The following AGAP1 variants were observed in gnomAD, a reference collection of about 807,000 sequenced individuals.
AGAP1 encodes the protein arf-GAP with GTPase, ANK repeat and PH domain-containing protein 1.
In AGAP1, 29 loss-of-function variants were observed where a neutral mutation model predicts 105.3. That is an observed-to-expected ratio of 0.28 (90% CI 0.21 to 0.38). The LOEUF (loss-of-function observed/expected upper bound fraction) is 0.38, where lower values mean the gene tolerates loss of function less well. Among genes scored for constraint, AGAP1 ranks in the 10% least tolerant of loss-of-function variants. The pLI, the probability that AGAP1 is intolerant of heterozygous loss-of-function variation, is 1.00. For missense variants in AGAP1, 998 were observed against 1,165.1 expected, an observed-to-expected ratio of 0.86 and a Z score of 2.09; for synonymous variants, 509 against 485.9, an observed-to-expected ratio of 1.05 and a Z score of -0.63.
chr2:235,943,381 T>TTTTTTTTG (rs56308804), intron 12 of AGAP1, among the ~76,000 whole-genome samples: 4 of 150,684 alleles, frequency 2.7e-5, no homozygotes, highest in Non-Finnish European at 5.9e-5. Context: ...TTTTTTTTTT[T>TTTTTTTTG]GACACAGAGT....
chr2:235,668,358 C>T (rs1948199039), intron 1 of AGAP1, among the ~76,000 whole-genome samples: 1 of 152,144 alleles, frequency 6.6e-6, no homozygotes, highest in Non-Finnish European at 1.5e-5. Context: ...GTCGTGAACA[C>T]AATAGGTACC....
rs1378741358 is a variant in AGAP1, at chr2:235,872,976, A to G, written c.1051-10369A>G. On this transcript the variant is annotated intron_variant, in intron 9 of 17. Transcript: ENST00000304032. The surrounding 1 kb of genome is among the most constrained non-coding windows in gnomAD (Gnocchi z 4.5). Reference sequence around the variant, plus strand: ...CTGAAAGTCCCCACTGGCTCAGTGCAGCTCTGGAATTAGGAACCAGCCGTG... The same window carrying G: ...CTGAAAGTCCCCACTGGCTCAGTGCGGCTCTGGAATTAGGAACCAGCCGTG... Among the ~76,000 whole-genome samples, 1 of 152,198 alleles carries G rather than the reference A, an allele frequency of 6.6e-6. No individual in the cohort carries two copies. The highest frequency in any genetic ancestry group is 1.5e-5 in the Non-Finnish European group (1 of 68,030).
At chr2:235,677,906 C>CAAAAAAAAAAAAA (rs61111847) in intron 1 of AGAP1, among the ~76,000 whole-genome samples, 2 of 62,996 alleles carry the variant, frequency 3.2e-5, no homozygotes, top group Non-Finnish European at 6.4e-5. Context: ...AGCTCTTTAC[C>CAAAAAAAAAAAAA]AAAAAAAAAA....
In AGAP1 at chr2:235,576,588, A is replaced by G. The variant is rs142239885; in HGVS notation, c.163+81739A>G. The stretch of plus-strand genomic sequence containing the variant: ...GTATTGGTTGACTGCAGTGTTCCCA[A>G]GTGGTCGTGCTGTGCCCTAAAGGCT... On this transcript the variant is annotated intron_variant, in intron 1 of 17. Transcript: ENST00000304032. Among the ~76,000 whole-genome samples the G allele has an allele frequency of 9.6e-3, 1,457 of 152,264 alleles. 11 individuals are homozygous for G. The highest frequency in any genetic ancestry group is 0.017 in the Non-Finnish European group (1,148 of 68,014).
At chr2:235,847,562 G>T (rs1159314390) in intron 9 of AGAP1, among the ~76,000 whole-genome samples, 1 of 152,198 alleles carries the variant, frequency 6.6e-6, no homozygotes, top group African/African-American at 2.4e-5. Context: ...AACTGTTCTA[G>T]CCATAGTAAA....
At position 235,621,143 on chromosome 2, in the gene AGAP1, T is replaced by C. The variant is rs1946464322; in HGVS notation, c.164-88036T>C. ...TTCAAGCAATTCTCCTGCCTTGGCCTCCGGAGGAGCTGAGACTACAGGCGC... is the reference window on the plus strand; with the variant it reads ...TTCAAGCAATTCTCCTGCCTTGGCCCCCGGAGGAGCTGAGACTACAGGCGC... On this transcript the variant is annotated intron_variant, in intron 1 of 17. Coordinates refer to ENST00000304032, the MANE Select transcript of AGAP1 (RefSeq NM_001037131.3). This position sits in a 1 kb window ranked among gnomAD's most constrained non-coding sequence, Gnocchi z 4.1. Among the ~76,000 whole-genome samples, 1 of 152,144 alleles carries C rather than the reference T, an allele frequency of 6.6e-6. No individual in the cohort carries two copies. The highest frequency in any genetic ancestry group is 6.5e-5 in the Admixed American group (1 of 15,280).
chr2:235,776,470 G>C (rs12468221), intron 6 of AGAP1, among the ~76,000 whole-genome samples: 39,307 of 152,096 alleles, frequency 0.26, 5,444 homozygotes, highest in Admixed American at 0.4. Context: ...TTTCCTGTTC[G>C]AAAGCCTTTG....
intron 5 of AGAP1, among the ~76,000 whole-genome samples, chr2:235,749,456 G>C (rs1320625697): frequency 6.6e-6 from 1 of 151,890 alleles, no homozygotes; most frequent in Admixed American, 6.6e-5. Flanking sequence ...ACGCCCCCGT[G>C]TGCACACATG....
chr2:235,800,980 T>C lies in AGAP1; in HGVS notation c.957+1458T>C, dbSNP rs148594241. 8.6e-3 allele frequency among the ~76,000 whole-genome samples: 1,303 copies of C among 152,328 alleles called. 9 individuals are homozygous for C. Among genetic ancestry groups the C allele is most frequent in the Non-Finnish European group, 0.013 (902 of 68,026 alleles). ...CCCCTTTGTGAATCTGATCTTGATG[T>C]TACATTGCGATTCCTGCCAAGTCTG... On this transcript the variant is annotated intron_variant, in intron 8 of 17. Transcript: ENST00000304032.
At chr2:235,995,766 A>G (rs925464748) in intron 13 of AGAP1, among the ~76,000 whole-genome samples, 1 of 152,196 alleles carries the variant, frequency 6.6e-6, no homozygotes, top group Non-Finnish European at 1.5e-5. Context: ...CTCTAGATGC[A>G]TCACTGCAAG....
intron 9 of AGAP1, among the ~76,000 whole-genome samples, chr2:235,873,121 T>TG (rs1333880346): frequency 6.6e-6 from 1 of 152,156 alleles, no homozygotes; most frequent in African/African-American, 2.4e-5. Flanking sequence ...GGACCCCAGG[T>TG]GGGGATCATG....
intron 12 of AGAP1, among the ~76,000 whole-genome samples, chr2:235,948,728 G>A (rs1368022533): frequency 2.0e-5 from 3 of 152,118 alleles, no homozygotes; most frequent in African/African-American, 2.4e-5. Context: ...GGGACAGTGG[G>A]GGCACAGCAG....
At chr2:235,849,024 C>T (rs567457642) in intron 9 of AGAP1, among the ~76,000 whole-genome samples, 8 of 152,292 alleles carry the variant, frequency 5.3e-5, no homozygotes, top group African/African-American at 1.9e-4. Context: ...TGTTCCTTGG[C>T]ACTATGTTAA....
intron 13 of AGAP1, among the ~76,000 whole-genome samples, chr2:235,998,681 A>ATGG (rs1300201822): frequency 1.5e-4 from 21 of 140,828 alleles, no homozygotes; most frequent in African/African-American, 5.4e-4. Flanking sequence ...GGTGGTGACG[A>ATGG]TGGTGGTGGT....
chr2:235,562,340 C>CT (rs982944390), intron 1 of AGAP1, among the ~76,000 whole-genome samples: 1 of 152,004 alleles, frequency 6.6e-6, no homozygotes, highest in Non-Finnish European at 1.5e-5. Flanking sequence ...GGAAAGGTGT[C>CT]TTTTTTTGCA....
At chr2:235,672,675 G>A (rs1047642451) in intron 1 of AGAP1, among the ~76,000 whole-genome samples, 1 of 152,240 alleles carries the variant, frequency 6.6e-6, no homozygotes, top group Non-Finnish European at 1.5e-5. Flanking sequence ...TCTTTGCTCT[G>A]TGGACTTGGA....
intron 13 of AGAP1, 80 bp downstream of exon 13, chr2:235,968,703 C>G: frequency 7.0e-7 from 1 of 1,422,726 alleles, no homozygotes; most frequent in Non-Finnish European, 9.7e-7. Flanking sequence ...TGAAATTAGA[C>G]ACCCTTAGCA....
Position 235,741,032 on chromosome 2 carries a change from G to A in AGAP1, c.380G>A (p.Gly127Asp), listed in dbSNP as rs773218170. The change falls in exon 4 of 18, where the codon GGC (glycine) becomes GAC (aspartate). Residue 127 changes from glycine (G) to aspartate (D), a missense_variant. Physicochemically the swap from Gly to Asp is moderately conservative, Grantham distance 94 (BLOSUM62 -1). Around this residue, in one of 3 missense-constraint regions of AGAP1, gnomAD observed 735 missense variants for 833.4 expected, o/e 0.88. Coordinates refer to ENST00000304032, the MANE Select transcript of AGAP1 (RefSeq NM_001037131.3). This position sits in a 1 kb window ranked among gnomAD's most constrained non-coding sequence, Gnocchi z 4.9. ...CTGCTGCTGATCAGAGATGAAGGGG[G>A]CCCCCCGGAGGCGCAGGTGAGTATA... is the stretch of plus-strand genomic sequence containing the variant. The part of the protein sequence containing the change: ...SYLLLIRDEG[G>D]PPEAQFAMWV... The A allele has an allele frequency of 6.2e-7, 1 of 1,613,828 alleles. No individual in the cohort carries two copies. The highest frequency in any genetic ancestry group is 1.7e-5 in the Admixed American group (1 of 60,022).
At chr2:235,856,520 A>G (rs995789463) in intron 9 of AGAP1, among the ~76,000 whole-genome samples, 33 of 152,330 alleles carry the variant, frequency 2.2e-4, no homozygotes, top group African/African-American at 7.5e-4. Context: ...TCCTTTCCAC[A>G]TCTAAGCCAG....
Sources: gnomAD v4.1 joint callset for allele counts (sites outside exome capture counted in the v4.1 genomes callset) on GRCh38, gnomAD v4.1.1 for gene constraint, gnomAD v4.1.1 regional missense constraint, Gnocchi (gnomAD v3.1) non-coding constraint, MANE v1.5 for transcripts, NCBI Gene and HGNC (gene_info 2026-07-23, HGNC 2026-07-21) for gene names.